Variants in ANO4 observed in about 807,000 individuals in gnomAD.
The protein encoded by ANO4 is anoctamin 4, also known as anoctamin-4.
A neutral mutation model predicts 141.9 loss-of-function variants in ANO4; 69 were observed. The ratio of observed to expected loss-of-function variants is 0.49; its 90% confidence interval spans 0.40 to 0.59. The LOEUF is 0.59. Ranked by LOEUF, ANO4 falls within the 20% of genes least tolerant of loss-of-function variation. The pLI is 0.00. For synonymous variants in ANO4, 350 were observed against 394.3 expected (o/e 0.89, Z 1.33); for missense variants, 894 against 1,162.2 (o/e 0.77, Z 3.36).
intron 3 of ANO4, among the ~76,000 whole-genome samples, chr12:100,771,925 G>A (rs1345040729): frequency 6.6e-6 from 1 of 152,236 alleles, no homozygotes. Context: ...AGCATTCCCT[G>A]TGAGTTCTTC....
upstream of ANO4, among the ~76,000 whole-genome samples, chr12:100,793,817 T>G (rs563066967): frequency 6.6e-6 from 1 of 152,262 alleles, no homozygotes; most frequent in African/African-American, 2.4e-5. Flanking sequence ...ATGGACAAAG[T>G]TTATAAGTTC....
chr12:101,115,518 G>T (rs188348623), intron 24 of ANO4, among the ~76,000 whole-genome samples: 13 of 152,158 alleles, frequency 8.5e-5, no homozygotes, highest in Admixed American at 8.5e-4. Flanking sequence ...GAAACCAGCA[G>T]AACTAAGATT....
intron 27 of ANO4, among the ~76,000 whole-genome samples, chr12:101,127,368 C>G (rs2051364714): frequency 6.6e-6 from 1 of 152,146 alleles, no homozygotes; most frequent in Non-Finnish European, 1.5e-5. Context: ...CGTCCTCTCT[C>G]TTTTCCTCCA....
chr12:101,073,939 G>A (rs957130015), intron 14 of ANO4, among the ~76,000 whole-genome samples: 1 of 152,152 alleles, frequency 6.6e-6, no homozygotes, highest in African/African-American at 2.4e-5. Context: ...TGGTGGAGGT[G>A]AAGGTAGAAA....
intron 1 of ANO4, among the ~76,000 whole-genome samples, chr12:100,862,878 C>T (rs188268151): frequency 5.9e-5 from 9 of 152,148 alleles, no homozygotes; most frequent in Non-Finnish European, 8.8e-5. Flanking sequence ...TGACTGTATA[C>T]GGTAAGTCAG....
chr12:101,015,795 C>T (rs1356443794), intron 8 of ANO4, among the ~76,000 whole-genome samples: 1 of 152,068 alleles, frequency 6.6e-6, no homozygotes, highest in African/African-American at 2.4e-5. Context: ...AGAGACTGAG[C>T]CCCAAGCCTC....
intron 3 of ANO4, among the ~76,000 whole-genome samples, chr12:100,748,692 T>C (rs1229690792): frequency 6.6e-6 from 1 of 152,252 alleles, no homozygotes; most frequent in African/African-American, 2.4e-5. Context: ...TGAATTAGTA[T>C]CTGCCATGTT....
chr12:100,853,407 T>C (rs796153944), intron 1 of ANO4, among the ~76,000 whole-genome samples: 34 of 152,310 alleles, frequency 2.2e-4, no homozygotes, highest in African/African-American at 8.2e-4. Context: ...TCTAGAGATT[T>C]GTTTTTACCT....
chr12:100,946,938 G>A (rs745659890), intron 5 of ANO4, among the ~76,000 whole-genome samples: 1 of 152,168 alleles, frequency 6.6e-6, no homozygotes, highest in Non-Finnish European at 1.5e-5. Flanking sequence ...GGGTGTGTAC[G>A]ATCAAAGCTG....
chr12:100,919,943 C>T (rs2041555247), intron 2 of ANO4, among the ~76,000 whole-genome samples: 1 of 151,640 alleles, frequency 6.6e-6, no homozygotes, highest in African/African-American at 2.4e-5. Context: ...TGCCCTCTCA[C>T]ATTTAAAAAA....
intron 8 of ANO4, among the ~76,000 whole-genome samples, chr12:101,008,890 A>ACCAAGGATATC (rs1214043386): frequency 1.3e-5 from 2 of 152,052 alleles, no homozygotes; most frequent in African/African-American, 4.8e-5. Context: ...ATCTTCCTTT[A>ACCAAGGATATC]CCAAGGATAT....
intron 3 of ANO4, among the ~76,000 whole-genome samples, chr12:100,745,549 A>G (rs996038779): frequency 6.6e-6 from 1 of 152,208 alleles, no homozygotes; most frequent in Admixed American, 6.5e-5. Flanking sequence ...TGCATATTAG[A>G]CACAGTTGAA....
Position 100,758,363 on chromosome 12 carries a change from A to C in ANO4, c.358+18258A>C, listed in dbSNP as rs2032706111. 2.0e-5 allele frequency among the ~76,000 whole-genome samples: 3 copies of C among 152,184 alleles called. 1 individual carries two copies. In the South Asian group the frequency reaches 6.2e-4, roughly 31 times the overall value. On this transcript the variant is annotated intron_variant, in intron 3 of 29. Coordinates refer to the ANO4 transcript ENST00000644049. Reference sequence around the variant, plus strand: ...TCTTTCTGTACCAGATGACACTCCAATCTTCCTCAAAGGCACAAGTGCAAG... The same window carrying C: ...TCTTTCTGTACCAGATGACACTCCACTCTTCCTCAAAGGCACAAGTGCAAG...
At position 100,946,801 on chromosome 12, in the gene ANO4, C is replaced by A. The variant is rs957495584; in HGVS notation, c.456+4266C>A. 3.9e-5 allele frequency among the ~76,000 whole-genome samples: 6 copies of A among 151,976 alleles called. 1 individual carries two copies. The South Asian group carries it at 1.0e-3, about 26-fold the overall frequency. Reference sequence around the variant, plus strand: ...TGAGCCATGGGGAACACTAGTGTTACAATTTGGATGATAAAAAGGAGGCAG... The same window carrying A: ...TGAGCCATGGGGAACACTAGTGTTAAAATTTGGATGATAAAAAGGAGGCAG... On this transcript the variant is annotated intron_variant, in intron 5 of 27. Transcript: ENST00000392977.
chr12:100,919,663 C>CAT (rs1325270025), intron 2 of ANO4, among the ~76,000 whole-genome samples: 3 of 141,560 alleles, frequency 2.1e-5, no homozygotes, highest in African/African-American at 8.1e-5. Flanking sequence ...GTACTTGGGA[C>CAT]ATGTCTCTGT....
intron 5 of ANO4, among the ~76,000 whole-genome samples, chr12:100,962,491 T>C (rs1296605396): frequency 6.6e-6 from 1 of 152,224 alleles, no homozygotes; most frequent in Admixed American, 6.5e-5. Flanking sequence ...ACAGTCTCTG[T>C]GGGTCAGGAG....
At chr12:100,925,609 C>T (rs1007914573) in intron 3 of ANO4, among the ~76,000 whole-genome samples, 5 of 150,000 alleles carry the variant, frequency 3.3e-5, no homozygotes, top group Non-Finnish European at 5.9e-5. Context: ...CAAACCTGCA[C>T]GTTCTGCACA....
intron 7 of ANO4, among the ~76,000 whole-genome samples, chr12:100,980,314 T>A (rs1261396523): frequency 6.6e-6 from 1 of 152,256 alleles, no homozygotes; most frequent in African/African-American, 2.4e-5. Context: ...GCCCAGTGTA[T>A]GGTGTACATT....
chr12:100,962,492 G>T (rs1566062087), intron 5 of ANO4, among the ~76,000 whole-genome samples: 4 of 152,202 alleles, frequency 2.6e-5, no homozygotes, highest in Non-Finnish European at 5.9e-5. Flanking sequence ...CAGTCTCTGT[G>T]GGTCAGGAGT....
Sources: gnomAD v4.1 joint callset for allele counts (sites outside exome capture counted in the v4.1 genomes callset) on GRCh38, gnomAD v4.1.1 for gene constraint, MANE v1.5 for transcripts, NCBI Gene and HGNC (gene_info 2026-07-23, HGNC 2026-07-21) for gene names.